The following USP20 variants were observed in gnomAD, a reference collection of about 807,000 sequenced individuals.
USP20 encodes ubiquitin specific peptidase 20.
Under a neutral mutation model 124.2 loss-of-function variants are expected in USP20, and 80 were observed. That is an observed-to-expected ratio of 0.64 (90% CI 0.54 to 0.78). USP20 has a LOEUF of 0.78. USP20 is among the 30% of genes least tolerant of loss of function. The pLI, the probability that USP20 is intolerant of heterozygous loss-of-function variation, is 0.00. For synonymous variants in USP20, 481 were observed against 512.3 expected, an observed-to-expected ratio of 0.94 and a Z score of 0.83; for missense variants, 1,043 against 1,244.4, an observed-to-expected ratio of 0.84 and a Z score of 2.44.
At chr9:129,866,762 T>C (rs1263950790) in intron 10 of USP20, among the ~76,000 whole-genome samples, 1 of 152,208 alleles carries the variant, frequency 6.6e-6, no homozygotes, top group Non-Finnish European at 1.5e-5. Context: ...TGCTTCTGCA[T>C]GGATTGAGAT....
intron 1 of USP20, among the ~76,000 whole-genome samples, chr9:129,836,294 T>C (rs2031830691): frequency 6.6e-6 from 1 of 152,224 alleles, no homozygotes; most frequent in African/African-American, 2.4e-5. Flanking sequence ...TATTAAGCAG[T>C]TACTATGTGG....
chr9:129,854,527 G>A (rs764499632), intron 3 of USP20, among the ~76,000 whole-genome samples: 2 of 152,124 alleles, frequency 1.3e-5, no homozygotes, highest in Non-Finnish European at 2.9e-5. Flanking sequence ...CCAGGCATAC[G>A]TGTTTTATGT....
At chr9:129,873,839 C>T (rs1674955687) in intron 17 of USP20, 95 bp downstream of exon 17, 4 of 1,455,816 alleles carry the variant, frequency 2.7e-6, no homozygotes, top group South Asian at 1.2e-5. Flanking sequence ...ACTGCTCGGG[C>T]ACTTCTGTGC....
At chr9:129,878,599 G>A (rs1314611721) in intron 23 of USP20, among the ~76,000 whole-genome samples, 159 bp downstream of exon 23, 1 of 152,182 alleles carries the variant, frequency 6.6e-6, no homozygotes, top group African/African-American at 2.4e-5. Flanking sequence ...GGCTTTGCCA[G>A]TCCCCAGTGG....
intron 1 of USP20, among the ~76,000 whole-genome samples, chr9:129,844,259 G>A (rs75110962): frequency 0.012 from 1,817 of 152,192 alleles, 18 homozygotes; most frequent in Middle Eastern, 0.024. Flanking sequence ...AAGAAATTTA[G>A]TGACATTAGA....
intron 8 of USP20, among the ~76,000 whole-genome samples, chr9:129,862,766 C>T (rs1215264986): frequency 6.6e-6 from 1 of 151,304 alleles, no homozygotes; most frequent in East Asian, 2.0e-4. Context: ...ATTAGCCAGG[C>T]ATTGTGGCAT....
Position 129,870,467 on chromosome 9 carries a change from G to T in USP20, c.1580G>T (p.Cys527Phe). 1.2e-6 allele frequency: 2 copies of T among 1,614,100 alleles called. No individual in the cohort carries two copies. The highest frequency in any genetic ancestry group is 1.7e-6 in the Non-Finnish European group (2 of 1,180,002). The part of the protein sequence containing the change: ...VEYIRRFVVS[C>F]TPSWFWGPVV... ...TCTGTCTGTAGGTTTGTGGTATCCT[G>T]TACCCCCAGCTGGTTTTGGGGGCCT... is the stretch of plus-strand genomic sequence containing the variant. The change falls in exon 15 of 26, where the codon TGT (cysteine) becomes TTT (phenylalanine). Residue 527 changes from cysteine (C) to phenylalanine (F), a missense_variant. Cys to Phe is a radical substitution (Grantham distance 205, BLOSUM62 -2). Transcript: ENST00000372429.
At position 129,873,724 on chromosome 9, in the gene USP20, A is replaced by G. The variant is rs2034247775; in HGVS notation, c.1720A>G (p.Lys574Glu). The change falls in exon 17 of 26, where the codon AAA becomes GAA. Residue 574 changes from lysine to glutamate, a missense_variant. Coordinates refer to ENST00000372429, the MANE Select transcript of USP20 (RefSeq NM_001110303.4). ...KKLRNGVKYC[K>E]VLRLPEILCI... ...GCTGCGGAACGGAGTGAAGTACTGC[A>G]AAGTCCTGCGGTTGCCCGAGGTGAG... The G allele has an allele frequency of 3.1e-6, 5 of 1,613,036 alleles. No individual in the cohort carries two copies. The highest frequency in any genetic ancestry group is 3.4e-6 in the Non-Finnish European group (4 of 1,180,014).
chr9:129,871,704 G>T (rs944679845), intron 15 of USP20, among the ~76,000 whole-genome samples: 3 of 151,820 alleles, frequency 2.0e-5, no homozygotes, highest in Non-Finnish European at 4.4e-5. Context: ...CTCATTGTGC[G>T]TTTTTTTTGT....
chr9:129,840,075 T>C (rs553366612), intron 1 of USP20, among the ~76,000 whole-genome samples: 5 of 152,164 alleles, frequency 3.3e-5, no homozygotes, highest in African/African-American at 1.2e-4. Flanking sequence ...GAGAGGAGGC[T>C]CTGGTGGGCC....
At chr9:129,865,206 C>T (rs928633813) in intron 9 of USP20, 97 bp from the exon 10 acceptor site, 2 of 1,333,340 alleles carry the variant, frequency 1.5e-6, no homozygotes, top group Non-Finnish European at 1.1e-6. Context: ...GGAAACGCCA[C>T]ACTCTGATCC....
rs1405625827 is a variant in USP20 at position 129,874,238 on chromosome 9, G to A, written c.1741-338G>A. ...GGCTTGTCCGCACCAAGGAAGGCAC[G>A]TGTGGCTGGAGCAAAGAGGAGAGGG... On this transcript the variant is annotated intron_variant, in intron 17 of 25. Coordinates refer to ENST00000372429, the MANE Select transcript of USP20 (RefSeq NM_001110303.4). Among the ~76,000 whole-genome samples the A allele has an allele frequency of 2.0e-5, 3 of 152,346 alleles. 1 individual carries two copies. In the South Asian group the frequency reaches 6.2e-4, roughly 32 times the overall value.
chr9:129,869,619 G>A (rs761638293), intron 13 of USP20, 53 bp from the exon 14 acceptor site: 2 of 1,604,326 alleles, frequency 1.2e-6, no homozygotes, highest in African/African-American at 2.7e-5. Context: ...CTTGGGGTTT[G>A]GGGTGCAGAC....
At chr9:129,848,457 G>T (rs759056423) in intron 1 of USP20, among the ~76,000 whole-genome samples, 1 of 151,618 alleles carries the variant, frequency 6.6e-6, no homozygotes, top group Non-Finnish European at 1.5e-5. Flanking sequence ...GAAGTTGCAA[G>T]AATGTAAGTC....
At chr9:129,868,537 G>A (rs529417542) in intron 11 of USP20, 88 bp downstream of exon 11, 29 of 1,482,154 alleles carry the variant, frequency 2.0e-5, no homozygotes, top group East Asian at 1.2e-4. Context: ...AGTAGCCCCC[G>A]GGGGACGGGT....
At position 129,875,329 on chromosome 9, in the gene USP20, A is replaced by T; in HGVS notation, c.2068A>T (p.Met690Leu). The change falls in exon 20 of 26, where the codon ATG (methionine) becomes TTG (leucine). Residue 690 changes from methionine (M) to leucine (L), a missense_variant. Physicochemically the swap from Met to Leu is conservative, Grantham distance 15. Transcript: ENST00000372429. ...LFYRKSSEEA[M>L]RERQQVVSLA... ...CCACAGGAAGAGCAGCGAGGAGGCCATGCGGGAGCGACAGCAGGTGGTGTC... is the reference window on the plus strand; with the variant it reads ...CCACAGGAAGAGCAGCGAGGAGGCCTTGCGGGAGCGACAGCAGGTGGTGTC... 2 of 1,611,156 alleles carry T rather than the reference A, an allele frequency of 1.2e-6. No homozygotes were observed. Among genetic ancestry groups the T allele is most frequent in the Non-Finnish European group, 1.7e-6 (2 of 1,179,012 alleles).
chr9:129,856,353 G>C lies in USP20; in HGVS notation c.128G>C (p.Cys43Ser). The change falls in exon 4 of 26, where the codon TGT (cysteine) becomes TCT (serine). Residue 43 changes from cysteine to serine, a missense_variant. Physicochemically the swap from Cys to Ser is moderately radical, Grantham distance 112. Transcript: ENST00000372429. ...GTCACCGGACCAAACCTATGGGCCT[G>C]TCTGCAGGTAAAAGACCCTTGTGGC... is the stretch of plus-strand genomic sequence containing the variant. ...CGVTGPNLWA[C>S]LQVACPYVGC... 1.2e-6 allele frequency: 2 copies of C among 1,614,166 alleles called. No homozygotes were observed. Among genetic ancestry groups the C allele is most frequent in the South Asian group, 1.1e-5 (1 of 91,092 alleles).
intron 9 of USP20, among the ~76,000 whole-genome samples, chr9:129,864,600 C>A (rs1030721909): frequency 1.3e-5 from 2 of 151,774 alleles, no homozygotes; most frequent in Admixed American, 6.6e-5. Flanking sequence ...GTGGTGAAAC[C>A]CCGTCTCTAC....
rs765749754 is a variant in USP20, at chr9:129,869,054, C to T, written c.1276+52C>T. On this transcript the variant is annotated intron_variant, in intron 12 of 25. Transcript: ENST00000372429. ...AGCTTGAGGCTGGGAGTACAGATTA[C>T]GCCCGTAGCTGCCTTTCTCATGGCC... 211 of 1,542,412 alleles carry T rather than the reference C, an allele frequency of 1.4e-4. No individual in the cohort carries two copies. In the East Asian group the frequency reaches 4.4e-3, roughly 32 times the overall value.
Sources: allele counts gnomAD v4.1 joint callset (sites outside exome capture counted in the v4.1 genomes callset), GRCh38; gene constraint gnomAD v4.1.1; transcripts MANE v1.5; gene names NCBI Gene and HGNC (gene_info 2026-07-23, HGNC 2026-07-21).